Variants in USO1 observed in about 807,000 individuals in gnomAD.
The protein encoded by USO1 is USO1 vesicle transport factor.
Under a neutral mutation model 124.5 loss-of-function variants are expected in USO1, and 57 were observed. The observed-to-expected ratio is 0.46, with a 90% CI of 0.37 to 0.57. The LOEUF (loss-of-function observed/expected upper bound fraction) is 0.57, where lower values mean the gene tolerates loss of function less well. Among genes scored for constraint, USO1 ranks in the 20% least tolerant of loss-of-function variants. USO1 has a pLI of 0.00. For synonymous variants in USO1, 369 were observed against 362.8 expected (o/e 1.02, Z -0.19); for missense variants, 900 against 1,040.6 (o/e 0.86, Z 1.86).
chr4:75,732,423 G>A (rs1278985863), intron 1 of USO1, among the ~76,000 whole-genome samples: 1 of 152,142 alleles, frequency 6.6e-6, no homozygotes, highest in East Asian at 1.9e-4. Flanking sequence ...TGGACACCTA[G>A]GTTGACTCCA....
At chr4:75,782,190 A>G (rs1722239358) in intron 8 of USO1, among the ~76,000 whole-genome samples, 1 of 152,254 alleles carries the variant, frequency 6.6e-6, no homozygotes, top group Admixed American at 6.5e-5. Context: ...TGGTTGATTC[A>G]TTCAACAAAT....
intron 9 of USO1, 36 bp downstream of exon 9, chr4:75,782,894 T>C (rs560120015): frequency 1.3e-6 from 2 of 1,525,774 alleles, no homozygotes; most frequent in Non-Finnish European, 1.7e-6. Flanking sequence ...GGTAAGAATT[T>C]TGACAGTGAT....
intron 4 of USO1, among the ~76,000 whole-genome samples, chr4:75,758,819 G>C (rs1473373318): frequency 6.6e-6 from 1 of 151,988 alleles, no homozygotes; most frequent in African/African-American, 2.4e-5. Context: ...AATGTAATTT[G>C]GTACCCATGG....
At chr4:75,782,644 G>A (rs916613481) in intron 8 of USO1, 36 bp from the exon 9 acceptor site, 4 of 1,509,258 alleles carry the variant, frequency 2.7e-6, no homozygotes, top group African/African-American at 1.4e-5. Flanking sequence ...CAGGTTTTAC[G>A]AGCCTTAACG....
At chr4:75,795,636 G>A (rs965136328) in intron 13 of USO1, among the ~76,000 whole-genome samples, 9 of 151,794 alleles carry the variant, frequency 5.9e-5, no homozygotes, top group Admixed American at 2.6e-4. Context: ...CCTTGGTTTC[G>A]GTTTTTTGTG....
At chr4:75,806,410 T>C (rs1722997177) in intron 19 of USO1, 76 bp from the exon 20 acceptor site, 12 of 1,492,360 alleles carry the variant, frequency 8.0e-6, no homozygotes, top group Middle Eastern at 2.3e-4. Flanking sequence ...ATAGTTTATA[T>C]GTGTACAGTT....
At chr4:75,796,065 A>C (rs1722669235) in intron 13 of USO1, among the ~76,000 whole-genome samples, 1 of 152,138 alleles carries the variant, frequency 6.6e-6, no homozygotes, top group Non-Finnish European at 1.5e-5. Flanking sequence ...ATCTTTGTGT[A>C]TGAGCATGAT....
At chr4:75,769,740 C>CT (rs34266261) in intron 4 of USO1, among the ~76,000 whole-genome samples, 72,446 of 139,930 alleles carry the variant, frequency 0.52, 19,684 homozygotes, top group East Asian at 0.8. Context: ...TTTTAGTGAT[C>CT]TTTTTTTTTT....
At chr4:75,729,280 C>A (rs754377604) in intron 1 of USO1, among the ~76,000 whole-genome samples, 11 of 151,602 alleles carry the variant, frequency 7.3e-5, no homozygotes, top group Non-Finnish European at 5.9e-5. Context: ...GGACTTCATG[C>A]TTTTGAATGT....
At chr4:75,797,407 T>C (rs947813277) in intron 13 of USO1, among the ~76,000 whole-genome samples, 6 of 151,796 alleles carry the variant, frequency 4.0e-5, no homozygotes, top group Non-Finnish European at 1.5e-5. Flanking sequence ...CATTTGTATA[T>C]GGGCCCATTT....
intron 3 of USO1, among the ~76,000 whole-genome samples, chr4:75,753,846 T>C (rs1263220106): frequency 6.8e-6 from 1 of 148,004 alleles, no homozygotes; most frequent in Non-Finnish European, 1.5e-5. Context: ...TGCAGTGGCA[T>C]GATCTCAGCT....
At chr4:75,727,551 G>A (rs575937645) in intron 1 of USO1, among the ~76,000 whole-genome samples, 2 of 152,232 alleles carry the variant, frequency 1.3e-5, no homozygotes, top group African/African-American at 4.8e-5. Flanking sequence ...CAGGTAAAAG[G>A]GGTCATGGAT....
rs114165721 is a variant in USO1 at position 75,804,676 on chromosome 4, C to T, written c.2125+404C>T. ...TAATGTATAGCTGATTAAGAATGAC[C>T]GCTGTAATCTTTCAGTTTCCTCTTC... is the stretch of plus-strand genomic sequence containing the variant. On this transcript the variant is annotated intron_variant, in intron 18 of 23. Transcript: ENST00000514213. 7.3e-3 allele frequency among the ~76,000 whole-genome samples: 1,111 copies of T among 152,186 alleles called. 13 individuals are homozygous for T. The highest frequency in any genetic ancestry group is 0.026 in the African/African-American group (1,069 of 41,518).
intron 4 of USO1, among the ~76,000 whole-genome samples, chr4:75,758,819 G>A (rs1473373318): frequency 6.6e-6 from 1 of 151,988 alleles, no homozygotes; most frequent in African/African-American, 2.4e-5. Flanking sequence ...AATGTAATTT[G>A]GTACCCATGG....
At chr4:75,777,913 C>G (rs1272041134) in intron 8 of USO1, among the ~76,000 whole-genome samples, 2 of 152,062 alleles carry the variant, frequency 1.3e-5, no homozygotes, top group African/African-American at 4.8e-5. Context: ...TCATAATTGC[C>G]AAGACTTGGA....
At chr4:75,797,094 A>AGTTCAAG (rs1722706807) in intron 13 of USO1, among the ~76,000 whole-genome samples, 1 of 152,008 alleles carries the variant, frequency 6.6e-6, no homozygotes. Flanking sequence ...GCATCGCTTG[A>AGTTCAAG]GCTTTGGAGT....
At chr4:75,759,150 C>T (rs1160295166) in intron 4 of USO1, among the ~76,000 whole-genome samples, 3 of 148,192 alleles carry the variant, frequency 2.0e-5, no homozygotes, top group African/African-American at 5.0e-5. Context: ...TTAGAGCCCA[C>T]CTGTTGCATT....
chr4:75,768,097 G>T (rs1721820108), intron 4 of USO1, among the ~76,000 whole-genome samples: 1 of 151,990 alleles, frequency 6.6e-6, no homozygotes, highest in Non-Finnish European at 1.5e-5. Flanking sequence ...GCTCACTGCA[G>T]CCTCTAACTC....
At chr4:75,744,443 G>A (rs561185945) in intron 1 of USO1, among the ~76,000 whole-genome samples, 161 of 152,054 alleles carry the variant, frequency 1.1e-3, no homozygotes, top group African/African-American at 3.8e-3. Context: ...ATTTTGAGAC[G>A]GAGTCTCACT....
Sources: gnomAD v4.1 joint callset for allele counts (sites outside exome capture counted in the v4.1 genomes callset) on GRCh38, gnomAD v4.1.1 for gene constraint, MANE v1.5 for transcripts, NCBI Gene and HGNC (gene_info 2026-07-23, HGNC 2026-07-21) for gene names.